CNTNAP2: variants seen among roughly 807,000 people sequenced by gnomAD.
CNTNAP2 encodes the protein contactin-associated protein-like 2.
In CNTNAP2, 98 loss-of-function variants were observed where a neutral mutation model predicts 155.2. That is an observed-to-expected ratio of 0.63 (90% CI 0.54 to 0.75). The LOEUF (loss-of-function observed/expected upper bound fraction) is 0.75, where lower values mean the gene tolerates loss of function less well. Ranked by LOEUF, CNTNAP2 falls within the 30% of genes least tolerant of loss-of-function variation. CNTNAP2 has a pLI of 0.00. For missense variants in CNTNAP2, 1,727 were observed against 1,688.1 expected (o/e 1.02, Z -0.40); for synonymous variants, 651 against 631.2 (o/e 1.03, Z -0.47).
chr7:147,192,366 T>C (rs553404316), intron 8 of CNTNAP2, among the ~76,000 whole-genome samples: 1 of 152,152 alleles, frequency 6.6e-6, no homozygotes, highest in Non-Finnish European at 1.5e-5. Context: ...CACATATCAC[T>C]GAAATTTTAC....
intron 1 of CNTNAP2, among the ~76,000 whole-genome samples, chr7:146,770,759 G>A (rs1209310339): frequency 6.6e-6 from 1 of 151,984 alleles, no homozygotes; most frequent in Non-Finnish European, 1.5e-5. Flanking sequence ...TTTGTTTAAT[G>A]TAATAACTCT....
chr7:146,961,415 C>G (rs1305138195), intron 3 of CNTNAP2, among the ~76,000 whole-genome samples: 1 of 152,124 alleles, frequency 6.6e-6, no homozygotes, highest in African/African-American at 2.4e-5. Flanking sequence ...TTTGCTGTGA[C>G]CTGTATTTGA....
intron 3 of CNTNAP2, among the ~76,000 whole-genome samples, chr7:146,934,576 T>C (rs1443463745): frequency 6.6e-6 from 1 of 152,116 alleles, no homozygotes; most frequent in Non-Finnish European, 1.5e-5. Flanking sequence ...TGTGCACATG[T>C]ACCATAAAAC....
chr7:147,574,031 G>A (rs897455098), intron 12 of CNTNAP2, among the ~76,000 whole-genome samples: 3 of 152,086 alleles, frequency 2.0e-5, no homozygotes, highest in Non-Finnish European at 4.4e-5. Context: ...TTTAACATTG[G>A]CAACTCATGT....
chr7:147,288,271 T>G lies in CNTNAP2; in HGVS notation c.1349-11870T>G, dbSNP rs535859402. Among the ~76,000 whole-genome samples the G allele has an allele frequency of 4.6e-5, 7 of 152,334 alleles. No homozygotes were observed. The South Asian group carries it at 1.2e-3, about 27-fold the overall frequency. ...TGAAATTGTACCTGTAAACCCATTG[T>G]CTGTCTTTGCACACAAGAATATAAG... On this transcript the variant is annotated intron_variant, in intron 8 of 23. Transcript: ENST00000361727.
chr7:148,193,722 C>CT (rs756853903), intron 18 of CNTNAP2, among the ~76,000 whole-genome samples: 7 of 152,072 alleles, frequency 4.6e-5, no homozygotes, highest in Non-Finnish European at 1.0e-4. Context: ...CTTATCTGAC[C>CT]TTACCTCTGG....
At chr7:146,557,891 A>G (rs1755047937) in intron 1 of CNTNAP2, among the ~76,000 whole-genome samples, 1 of 152,210 alleles carries the variant, frequency 6.6e-6, no homozygotes, top group Admixed American at 6.5e-5. Context: ...TCCTGATCAC[A>G]CTATCATCTC....
chr7:146,742,568 C>T (rs1222627937), intron 1 of CNTNAP2, among the ~76,000 whole-genome samples: 1 of 152,030 alleles, frequency 6.6e-6, no homozygotes, highest in Non-Finnish European at 1.5e-5. Context: ...GTCCTTAGAA[C>T]GGACTGAAGA....
intron 4 of CNTNAP2, among the ~76,000 whole-genome samples, chr7:147,101,333 C>A (rs1358850440): frequency 6.6e-6 from 1 of 152,148 alleles, no homozygotes; most frequent in East Asian, 1.9e-4. Context: ...GGACTTGCAA[C>A]AAGGGTGTGG....
At chr7:146,865,763 A>G (rs1262325470) in intron 3 of CNTNAP2, among the ~76,000 whole-genome samples, 2 of 152,154 alleles carry the variant, frequency 1.3e-5, no homozygotes, top group African/African-American at 4.8e-5. Context: ...TAAAAATGAT[A>G]AAAGCATAAC....
At chr7:146,634,507 A>G (rs997148401) in intron 1 of CNTNAP2, among the ~76,000 whole-genome samples, 3 of 152,204 alleles carry the variant, frequency 2.0e-5, no homozygotes, top group African/African-American at 4.8e-5. Flanking sequence ...CTCCCACTTT[A>G]GTAGTGCTCT....
At chr7:146,524,825 G>C (rs181471758) in intron 1 of CNTNAP2, among the ~76,000 whole-genome samples, 41 of 152,184 alleles carry the variant, frequency 2.7e-4, no homozygotes, top group African/African-American at 9.9e-4. Context: ...GTGCTTTCTT[G>C]ATACAATATT....
chr7:148,173,447 G>C (rs1376278292), intron 18 of CNTNAP2, among the ~76,000 whole-genome samples: 1 of 152,154 alleles, frequency 6.6e-6, no homozygotes, highest in Admixed American at 6.5e-5. Flanking sequence ...ATACATGGAG[G>C]GTTGTTTACA....
At chr7:147,286,269 A>G (rs2116736122) in intron 8 of CNTNAP2, among the ~76,000 whole-genome samples, 1 of 152,168 alleles carries the variant, frequency 6.6e-6, no homozygotes, top group East Asian at 1.9e-4. Context: ...AAAGGTCTAA[A>G]AATAACTTAG....
At chr7:148,277,315 A>G (rs1471505478) in intron 21 of CNTNAP2, among the ~76,000 whole-genome samples, 1 of 152,104 alleles carries the variant, frequency 6.6e-6, no homozygotes, top group Admixed American at 6.5e-5. Context: ...TCTTTGACTC[A>G]GGCAGTGTTC....
intron 13 of CNTNAP2, among the ~76,000 whole-genome samples, chr7:147,778,426 A>G (rs1797619295): frequency 6.6e-6 from 1 of 152,258 alleles, no homozygotes; most frequent in Non-Finnish European, 1.5e-5. Flanking sequence ...AACATATAAA[A>G]TGTTCAGGAA....
chr7:146,544,342 C>T (rs1019866407), intron 1 of CNTNAP2, among the ~76,000 whole-genome samples: 5 of 151,904 alleles, frequency 3.3e-5, no homozygotes, highest in African/African-American at 1.2e-4. Context: ...CATTTTCACC[C>T]TAGTTTTCTG....
chr7:148,344,508 A>T (rs1798288075), intron 21 of CNTNAP2, among the ~76,000 whole-genome samples: 1 of 152,144 alleles, frequency 6.6e-6, no homozygotes, highest in African/African-American at 2.4e-5. Context: ...TATTCTCTGC[A>T]ATGATCTTAT....
At chr7:148,189,849 A>G (rs1562989279) in intron 18 of CNTNAP2, 2 of 152,174 alleles carry the variant, frequency 1.3e-5, no homozygotes, top group East Asian at 1.9e-4. Flanking sequence ...AAAAATTTCT[A>G]TATGAAGACA....
Sources: gnomAD v4.1 joint callset for allele counts (sites outside exome capture counted in the v4.1 genomes callset) on GRCh38, gnomAD v4.1.1 for gene constraint, MANE v1.5 for transcripts, NCBI Gene and HGNC (gene_info 2026-07-23, HGNC 2026-07-21) for gene names.